CDK14: variants seen among roughly 807,000 people sequenced by gnomAD.
CDK14 encodes the protein cyclin dependent kinase 14, also known as cyclin-dependent kinase 14.
CDK14 carries 34 observed loss-of-function variants against 60.7 expected under a neutral mutation model. The ratio of observed to expected loss-of-function variants is 0.56; its 90% CI spans 0.43 to 0.75. The LOEUF is 0.75. CDK14 is among the 30% of genes least tolerant of loss of function. CDK14 has a pLI of 0.00. For synonymous variants in CDK14, 197 were observed against 203.7 expected (o/e 0.97, Z 0.28); for missense variants, 482 against 564.1 (o/e 0.85, Z 1.47).
At chr7:90,712,571 A>G (rs1226139099) in intron 2 of CDK14, among the ~76,000 whole-genome samples, 2 of 152,084 alleles carry the variant, frequency 1.3e-5, no homozygotes, top group African/African-American at 4.8e-5. Flanking sequence ...GGACATCGTA[A>G]TAAATACTTT....
intron 8 of CDK14, among the ~76,000 whole-genome samples, chr7:90,955,302 A>C (rs574667766): frequency 3.9e-5 from 6 of 152,286 alleles, no homozygotes; most frequent in Admixed American, 6.5e-5. Context: ...AAGTTTCACA[A>C]TTTAAGGATT....
At chr7:91,015,641 C>T (rs1796283520) in intron 10 of CDK14, among the ~76,000 whole-genome samples, 1 of 147,562 alleles carries the variant, frequency 6.8e-6, no homozygotes, top group Admixed American at 7.0e-5. Flanking sequence ...CATTCTCCTG[C>T]TTCAGCCTCC....
chr7:91,039,540 GTTTA>G (rs756967308), intron 10 of CDK14, among the ~76,000 whole-genome samples: 2 of 152,052 alleles, frequency 1.3e-5, no homozygotes, highest in South Asian at 2.1e-4. Context: ...GCTGTTACTA[GTTTA>G]TTTGTTTGTT....
At chr7:90,634,984 GT>G (rs1187954221) in intron 2 of CDK14, among the ~76,000 whole-genome samples, 7 of 152,094 alleles carry the variant, frequency 4.6e-5, no homozygotes, top group African/African-American at 1.4e-4. Context: ...GGGGTTGTTT[GT>G]TTTTTTCTTG....
intron 2 of CDK14, chr7:90,709,478 G>T (rs542639988): frequency 1.9e-5 from 30 of 1,598,674 alleles, no homozygotes; most frequent in Non-Finnish European, 2.1e-5. Context: ...TTCTGAAGCA[G>T]CCCTGCATTG....
At chr7:90,681,676 A>T (rs1801320415) in intron 2 of CDK14, among the ~76,000 whole-genome samples, 1 of 152,226 alleles carries the variant, frequency 6.6e-6, no homozygotes, top group African/African-American at 2.4e-5. Flanking sequence ...TAAAAATAGG[A>T]TACAGGTGTT....
chr7:90,761,976 G>C (rs1804333153), intron 4 of CDK14, among the ~76,000 whole-genome samples: 1 of 152,150 alleles, frequency 6.6e-6, no homozygotes, highest in Non-Finnish European at 1.5e-5. Flanking sequence ...AATCAAGTCA[G>C]CAGACAGAAT....
intron 11 of CDK14, among the ~76,000 whole-genome samples, chr7:91,058,136 G>A (rs531193454): frequency 3.3e-5 from 5 of 152,156 alleles, no homozygotes; most frequent in African/African-American, 1.2e-4. Context: ...CTTGTAAATT[G>A]GATTCCTAGA....
At chr7:91,094,281 A>G (rs1798915979) in intron 12 of CDK14, among the ~76,000 whole-genome samples, 1 of 152,198 alleles carries the variant, frequency 6.6e-6, no homozygotes. Context: ...TTAATTTTAA[A>G]TTCTTCAATG....
chr7:90,952,332 C>T (rs1267042049), intron 8 of CDK14, among the ~76,000 whole-genome samples: 3 of 152,092 alleles, frequency 2.0e-5, no homozygotes, highest in Non-Finnish European at 2.9e-5. Context: ...ATAAGATAAC[C>T]ATCTTATAGA....
At chr7:90,892,194 G>C (rs1792153682) in intron 6 of CDK14, among the ~76,000 whole-genome samples, 1 of 152,144 alleles carries the variant, frequency 6.6e-6, no homozygotes. Flanking sequence ...ACAGGGTAAG[G>C]GATGGAGAGA....
At chr7:90,754,488 A>G (rs75338581) in intron 4 of CDK14, among the ~76,000 whole-genome samples, 2,077 of 152,304 alleles carry the variant, frequency 0.014, 41 homozygotes, top group African/African-American at 0.046. Context: ...CTCAAGATGG[A>G]TTGAAGATTT....
chr7:91,078,255 G>C (rs912389760), intron 11 of CDK14, among the ~76,000 whole-genome samples: 2 of 152,326 alleles, frequency 1.3e-5, no homozygotes, highest in Non-Finnish European at 2.9e-5. Context: ...TCATCAATGG[G>C]AGAACAGTTA....
intron 2 of CDK14, among the ~76,000 whole-genome samples, chr7:90,635,661 T>C: frequency 6.6e-6 from 1 of 152,142 alleles, no homozygotes; most frequent in Non-Finnish European, 1.5e-5. Context: ...TTTTTTCCAA[T>C]TCTGTGAAGA....
At chr7:90,704,284 A>G (rs1293751986) in intron 2 of CDK14, among the ~76,000 whole-genome samples, 2 of 152,204 alleles carry the variant, frequency 1.3e-5, no homozygotes, top group Non-Finnish European at 2.9e-5. Context: ...TTTAATTTCC[A>G]ACTTAGATGA....
chr7:90,886,635 C>T (rs1325102517), intron 6 of CDK14, among the ~76,000 whole-genome samples: 3 of 152,174 alleles, frequency 2.0e-5, no homozygotes, highest in East Asian at 1.9e-4. Context: ...CTCTGATTCA[C>T]TGACTACCTA....
At position 90,861,212 on chromosome 7, in the gene CDK14, GA is replaced by G. The variant is rs538446866; in HGVS notation, c.545-1955del. Among the ~76,000 whole-genome samples the G allele has an allele frequency of 6.5e-4, 98 of 151,912 alleles. No homozygotes were observed. The South Asian group carries it at 0.011, about 16-fold the overall frequency. ...CCAGGAGCAAGATATATCAATGGGG[GA>G]AAAAAAAGATTACTGTTCCTATGGG... On this transcript the variant is annotated intron_variant, in intron 5 of 14. Transcript: ENST00000380050.
chr7:90,785,780 C>G (rs1805552673), intron 4 of CDK14, among the ~76,000 whole-genome samples: 1 of 116,348 alleles, frequency 8.6e-6, no homozygotes, highest in Admixed American at 8.9e-5. Flanking sequence ...GAGTGAGACT[C>G]CGTCTCAAAA....
chr7:90,637,159 T>G (rs1458589881), intron 2 of CDK14, among the ~76,000 whole-genome samples: 1 of 152,080 alleles, frequency 6.6e-6, no homozygotes, highest in Non-Finnish European at 1.5e-5. Context: ...ATTTTAGTTA[T>G]TTCTTGCCTT....
Sources: allele counts gnomAD v4.1 joint callset (sites outside exome capture counted in the v4.1 genomes callset), GRCh38; gene constraint gnomAD v4.1.1; transcripts MANE v1.5; gene names NCBI Gene and HGNC (gene_info 2026-07-23, HGNC 2026-07-21).